IL1RAPL1: variants seen among roughly 807,000 people sequenced by gnomAD.
The protein encoded by IL1RAPL1 is interleukin-1 receptor accessory protein-like 1.
A neutral mutation model predicts 48.4 loss-of-function variants in IL1RAPL1; 3 were observed. That is an observed-to-expected ratio of 0.06 (90% CI 0.03 to 0.16). IL1RAPL1 has a LOEUF of 0.16. Ranked by LOEUF, IL1RAPL1 falls within the 10% of genes least tolerant of loss-of-function variation. The probability of loss-of-function intolerance (pLI) is 1.00; values close to 1 mark genes in which losing one functional copy is unlikely to be tolerated. For synonymous variants in IL1RAPL1, 185 were observed against 187.7 expected, an observed-to-expected ratio of 0.99 and a Z score of 0.12; for missense variants, 349 against 530.6, an observed-to-expected ratio of 0.66 and a Z score of 3.36.
intron 2 of IL1RAPL1, among the ~76,000 whole-genome samples, chrX:29,088,532 C>T (rs1370910377): frequency 9.2e-6 from 1 of 108,601 alleles, no homozygotes; most frequent in Non-Finnish European, 1.9e-5. Flanking sequence ...AAAAATTAGC[C>T]GGGCATGGTG....
At chrX:28,665,977 C>T in intron 1 of IL1RAPL1, among the ~76,000 whole-genome samples, 1 of 112,122 alleles carries the variant, frequency 8.9e-6, no homozygotes, top group Admixed American at 9.5e-5. Flanking sequence ...GCCCACGCTG[C>T]ACTGGCCTAC....
chrX:29,393,367 C>T (rs1437975045), intron 3 of IL1RAPL1, among the ~76,000 whole-genome samples: 2 of 111,829 alleles, frequency 1.8e-5, no homozygotes, highest in African/African-American at 3.2e-5. Context: ...GTGATCCGCC[C>T]GCCTCGGCCT....
At chrX:28,676,033 C>T (rs1244375225) in intron 1 of IL1RAPL1, among the ~76,000 whole-genome samples, 1 of 111,385 alleles carries the variant, frequency 9.0e-6, no homozygotes, top group Non-Finnish European at 1.9e-5. Context: ...TTGTTAAACA[C>T]AATACTTTGG....
intron 2 of IL1RAPL1, among the ~76,000 whole-genome samples, chrX:28,943,476 T>C (rs1924217087): frequency 9.1e-6 from 1 of 110,231 alleles, no homozygotes; most frequent in South Asian, 3.8e-4. Flanking sequence ...GGAGGAAGAA[T>C]TGTAATTTTA....
intron 5 of IL1RAPL1, among the ~76,000 whole-genome samples, chrX:29,522,640 C>T (rs986739596): frequency 8.9e-6 from 1 of 112,024 alleles, no homozygotes; most frequent in African/African-American, 3.2e-5. Flanking sequence ...GTTAATCACA[C>T]CTATCTATGA....
chrX:28,701,522 A>G (rs1935297134), intron 1 of IL1RAPL1, among the ~76,000 whole-genome samples: 1 of 112,263 alleles, frequency 8.9e-6, no homozygotes, highest in South Asian at 3.6e-4. Context: ...CCATAAAGCA[A>G]CATATGTTAA....
chrX:28,814,498 C>T (rs1426467318), intron 2 of IL1RAPL1, among the ~76,000 whole-genome samples: 1 of 109,612 alleles, frequency 9.1e-6, no homozygotes, highest in East Asian at 2.9e-4. Context: ...ATCTTTCCAA[C>T]TTTCCTTTGA....
chrX:29,016,385 CAT>C (rs989467362), intron 2 of IL1RAPL1, among the ~76,000 whole-genome samples: 7 of 111,323 alleles, frequency 6.3e-5, no homozygotes, highest in African/African-American at 2.0e-4. Context: ...TTCAAGGAAA[CAT>C]AGCTGTTTAG....
intron 5 of IL1RAPL1, among the ~76,000 whole-genome samples, chrX:29,420,534 G>A (rs1254551882): frequency 1.8e-5 from 2 of 112,005 alleles, no homozygotes; most frequent in African/African-American, 6.5e-5. Flanking sequence ...TTTCCTTAGT[G>A]GTCAGTTTGC....
At chrX:29,802,879 A>ATG (rs1555922180) in intron 6 of IL1RAPL1, among the ~76,000 whole-genome samples, 2 of 83,491 alleles carry the variant, frequency 2.4e-5, no homozygotes, top group Non-Finnish European at 2.2e-5. Flanking sequence ...GTATACATAT[A>ATG]TGTATATATG....
At chrX:29,492,608 C>G in intron 5 of IL1RAPL1, among the ~76,000 whole-genome samples, 1 of 111,979 alleles carries the variant, frequency 8.9e-6, no homozygotes, top group Middle Eastern at 4.7e-3. Flanking sequence ...TTCATTGTCC[C>G]TTTTCTCCCT....
chrX:29,678,483 T>C (rs1926350938), intron 6 of IL1RAPL1, among the ~76,000 whole-genome samples: 1 of 103,592 alleles, frequency 9.7e-6, no homozygotes, highest in Admixed American at 1.1e-4. Context: ...GCTTCCCGAG[T>C]AGCTGGGACT....
At chrX:29,773,827 C>A (rs927883635) in intron 6 of IL1RAPL1, among the ~76,000 whole-genome samples, 1 of 111,307 alleles carries the variant, frequency 9.0e-6, no homozygotes, top group Non-Finnish European at 1.9e-5. Context: ...ATGCTAAGGC[C>A]TGAACAAATA....
At chrX:28,993,057 A>G (rs1484460783) in intron 2 of IL1RAPL1, among the ~76,000 whole-genome samples, 1 of 112,019 alleles carries the variant, frequency 8.9e-6, no homozygotes, top group Non-Finnish European at 1.9e-5. Context: ...AGGCATGTTA[A>G]TTTCCTTGAT....
At chrX:28,612,356 G>A (rs766762735) in intron 1 of IL1RAPL1, among the ~76,000 whole-genome samples, 1 of 112,288 alleles carries the variant, frequency 8.9e-6, no homozygotes, top group South Asian at 3.7e-4. Flanking sequence ...ACCAATGGAA[G>A]AGGCCCATAG....
chrX:29,067,931 A>G (rs1041337837), intron 2 of IL1RAPL1, among the ~76,000 whole-genome samples: 1 of 112,136 alleles, frequency 8.9e-6, no homozygotes, highest in African/African-American at 3.2e-5. Flanking sequence ...TTTGAGTTCT[A>G]CAAAACTTAT....
At chrX:28,654,600 A>G (rs1934729415) in intron 1 of IL1RAPL1, among the ~76,000 whole-genome samples, 1 of 112,351 alleles carries the variant, frequency 8.9e-6, no homozygotes, top group Non-Finnish European at 1.9e-5. Flanking sequence ...GTGTTTGTCA[A>G]GATTATGTCA....
At chrX:28,994,432 G>A (rs1288010883) in intron 2 of IL1RAPL1, among the ~76,000 whole-genome samples, 1 of 111,534 alleles carries the variant, frequency 9.0e-6, no homozygotes, top group Non-Finnish European at 1.9e-5. Flanking sequence ...ACAGCCGAAA[G>A]AGTGGGTCTG....
intron 2 of IL1RAPL1, among the ~76,000 whole-genome samples, chrX:28,949,503 A>G (rs1034627353): frequency 2.7e-5 from 3 of 111,797 alleles, no homozygotes; most frequent in Non-Finnish European, 5.7e-5. Context: ...AACAGAGTTG[A>G]CAAGAGGCCT....
Sources: allele counts gnomAD v4.1 joint callset (sites outside exome capture counted in the v4.1 genomes callset), GRCh38; gene constraint gnomAD v4.1.1; transcripts MANE v1.5; gene names NCBI Gene and HGNC (gene_info 2026-07-23, HGNC 2026-07-21).